The following PLXDC2 variants were observed in gnomAD, a reference collection of about 807,000 sequenced individuals.
PLXDC2 encodes plexin domain containing 2, also known as plexin domain-containing protein 2.
In PLXDC2, 40 loss-of-function variants were observed where a neutral mutation model predicts 68.9. The observed-to-expected ratio is 0.58, with a 90% CI of 0.45 to 0.76. PLXDC2 has a LOEUF of 0.76. PLXDC2 is among the 30% of genes least tolerant of loss of function. PLXDC2 has a pLI of 0.00. For missense variants in PLXDC2, 644 were observed against 661.9 expected (o/e 0.97, Z 0.30); for synonymous variants, 243 against 234.2 (o/e 1.04, Z -0.34).
intron 4 of PLXDC2, among the ~76,000 whole-genome samples, chr10:20,083,112 T>G (rs1292250528): frequency 6.6e-6 from 1 of 152,104 alleles, no homozygotes; most frequent in African/African-American, 2.4e-5. Context: ...CCTAAGAGAC[T>G]TGACAGATGG....
chr10:19,988,420 C>A (rs1421901874), intron 1 of PLXDC2, among the ~76,000 whole-genome samples: 1 of 151,978 alleles, frequency 6.6e-6, no homozygotes, highest in African/African-American at 2.4e-5. Context: ...ATTAAGTAAT[C>A]CTCTTAATAT....
chr10:19,990,234 T>G (rs1414810158), intron 1 of PLXDC2, among the ~76,000 whole-genome samples: 1 of 152,186 alleles, frequency 6.6e-6, no homozygotes, highest in Non-Finnish European at 1.5e-5. Context: ...TGAGCATTAG[T>G]GACTATATAT....
At chr10:20,033,110 C>T (rs1179351402) in intron 2 of PLXDC2, among the ~76,000 whole-genome samples, 1 of 151,126 alleles carries the variant, frequency 6.6e-6, no homozygotes, top group Non-Finnish European at 1.5e-5. Flanking sequence ...TGCAGCACAC[C>T]AACATGGCAC....
chr10:20,073,679 C>T (rs1045087968), intron 4 of PLXDC2, among the ~76,000 whole-genome samples: 2 of 152,130 alleles, frequency 1.3e-5, no homozygotes, highest in Non-Finnish European at 2.9e-5. Context: ...AAAAATACTT[C>T]AGAATACAAA....
chr10:19,825,083 C>G (rs1210966708), intron 1 of PLXDC2, among the ~76,000 whole-genome samples: 4 of 152,148 alleles, frequency 2.6e-5, no homozygotes, highest in Non-Finnish European at 4.4e-5. Flanking sequence ...CTCACTCTTT[C>G]TGCTTGAGGC....
At chr10:19,862,487 G>A (rs980508817) in intron 1 of PLXDC2, among the ~76,000 whole-genome samples, 1 of 152,176 alleles carries the variant, frequency 6.6e-6, no homozygotes, top group Non-Finnish European at 1.5e-5. Flanking sequence ...ATAGCGAAGC[G>A]TTACAATAAG....
chr10:20,104,154 A>G (rs1327209788), intron 4 of PLXDC2, among the ~76,000 whole-genome samples: 2 of 152,330 alleles, frequency 1.3e-5, no homozygotes, highest in East Asian at 1.9e-4. Flanking sequence ...ATGACACAAT[A>G]TGAATTAGTC....
intron 13 of PLXDC2, among the ~76,000 whole-genome samples, chr10:20,275,818 T>C (rs1233973066): frequency 1.3e-5 from 2 of 152,020 alleles, no homozygotes; most frequent in Admixed American, 6.6e-5. Context: ...GAGGCTGAGA[T>C]GTGAGAATCG....
intron 7 of PLXDC2, among the ~76,000 whole-genome samples, chr10:20,174,672 T>C (rs1834501815): frequency 6.6e-6 from 1 of 152,010 alleles, no homozygotes; most frequent in African/African-American, 2.4e-5. Context: ...AGGGAAAGCA[T>C]TAGGAGATAT....
At chr10:20,208,321 G>T (rs1166777974) in intron 9 of PLXDC2, among the ~76,000 whole-genome samples, 5 of 152,104 alleles carry the variant, frequency 3.3e-5, no homozygotes, top group Admixed American at 3.3e-4. Flanking sequence ...ACATGGTGCA[G>T]ACAAGAAAGA....
intron 3 of PLXDC2, among the ~76,000 whole-genome samples, chr10:20,057,294 G>A (rs1239936967): frequency 6.6e-6 from 1 of 152,068 alleles, no homozygotes; most frequent in African/African-American, 2.4e-5. Context: ...CTTAATTCTT[G>A]TGAAAAATCT....
chr10:19,965,478 T>C (rs1171189561), intron 1 of PLXDC2, among the ~76,000 whole-genome samples: 1 of 152,168 alleles, frequency 6.6e-6, no homozygotes, highest in African/African-American at 2.4e-5. Context: ...TATAACTTAC[T>C]TTCACATCAC....
intron 1 of PLXDC2, among the ~76,000 whole-genome samples, chr10:19,851,152 C>A (rs553090734): frequency 6.6e-6 from 1 of 152,180 alleles, no homozygotes; most frequent in African/African-American, 2.4e-5. Context: ...AGATGGGGAA[C>A]AATTATTCTT....
chr10:20,039,898 A>G (rs1268475252), intron 2 of PLXDC2, among the ~76,000 whole-genome samples: 2 of 152,198 alleles, frequency 1.3e-5, no homozygotes, highest in Non-Finnish European at 2.9e-5. Context: ...ATACACATTC[A>G]TATTTGAATA....
At chr10:20,265,836 G>A (rs1835865462) in intron 13 of PLXDC2, among the ~76,000 whole-genome samples, 1 of 152,140 alleles carries the variant, frequency 6.6e-6, no homozygotes, top group Non-Finnish European at 1.5e-5. Context: ...GTGACTACTT[G>A]TTACTCCAGA....
intron 2 of PLXDC2, among the ~76,000 whole-genome samples, chr10:20,012,479 CTTT>C (rs66484623): frequency 7.0e-6 from 1 of 143,832 alleles, no homozygotes. Flanking sequence ...CCACGCCCAG[CTTT>C]TTTTTTTTTC....
At chr10:20,074,883 C>G (rs1269543816) in intron 4 of PLXDC2, among the ~76,000 whole-genome samples, 2 of 139,000 alleles carry the variant, frequency 1.4e-5, no homozygotes, top group African/African-American at 2.8e-5. Flanking sequence ...TTATTATTAA[C>G]AGAGATCACA....
At chr10:20,190,516 T>G (rs201859485) in intron 9 of PLXDC2, among the ~76,000 whole-genome samples, 1 of 151,498 alleles carries the variant, frequency 6.6e-6, no homozygotes, top group Non-Finnish European at 1.5e-5. Context: ...TTAATGGGTG[T>G]AGCACACCAA....
At chr10:20,213,660 C>T (rs918676286) in intron 10 of PLXDC2, among the ~76,000 whole-genome samples, 1 of 152,012 alleles carries the variant, frequency 6.6e-6, no homozygotes, top group African/African-American at 2.4e-5. Flanking sequence ...ACCTTTTTTA[C>T]TATTGACTTC....
Sources: allele counts gnomAD v4.1 joint callset (sites outside exome capture counted in the v4.1 genomes callset), GRCh38; gene constraint gnomAD v4.1.1; transcripts MANE v1.5; gene names NCBI Gene and HGNC (gene_info 2026-07-23, HGNC 2026-07-21).